ANXA3: variants seen among roughly 807,000 people sequenced by gnomAD.
ANXA3 encodes 35-alpha calcimedin.
A neutral mutation model predicts 48.8 loss-of-function variants in ANXA3; 46 were observed. That is an observed-to-expected ratio of 0.94 (90% CI 0.74 to 1.21). The LOEUF is 1.21. Ranked by LOEUF, ANXA3 falls within the 50% of genes most tolerant of loss-of-function variation. ANXA3 has a pLI of 0.00. For synonymous variants in ANXA3, 128 were observed against 134.7 expected (o/e 0.95, Z 0.35); for missense variants, 383 against 378.6 (o/e 1.01, Z -0.10).
intron 12 of ANXA3, among the ~76,000 whole-genome samples, chr4:78,608,033 A>G (rs1400341371): frequency 1.3e-5 from 2 of 152,226 alleles, no homozygotes; most frequent in Non-Finnish European, 2.9e-5. Context: ...TTCAGTTGAA[A>G]GAGAGCTTTG....
In ANXA3 at chr4:78,554,431, A is replaced by C. The variant is rs774003645; in HGVS notation, c.-38-5A>C. 7 of 1,587,918 alleles carry C rather than the reference A, an allele frequency of 4.4e-6. No individual in the cohort carries two copies. The African/African-American group carries it at 9.4e-5, about 21-fold the overall frequency. On this transcript the variant is annotated splice_region_variant and splice_polypyrimidine_tract_variant and intron_variant, in intron 1 of 12. Coordinates refer to ENST00000264908, the MANE Select transcript of ANXA3 (RefSeq NM_005139.3). ...TACCATTTACTAATTGTTTTCTTTT[A>C]ATAGATTAGTGTGATCTCAGCTCAA... is the stretch of plus-strand genomic sequence containing the variant.
intron 12 of ANXA3, among the ~76,000 whole-genome samples, 200 bp downstream of exon 12, chr4:78,604,599 C>T (rs995539868): frequency 2.6e-5 from 4 of 152,122 alleles, no homozygotes; most frequent in African/African-American, 9.7e-5. Flanking sequence ...ATATAATAGA[C>T]ACTCAATATT....
At chr4:78,595,598 C>G (rs1305882080) in intron 8 of ANXA3, among the ~76,000 whole-genome samples, 161 bp downstream of exon 8, 2 of 151,092 alleles carry the variant, frequency 1.3e-5, no homozygotes, top group African/African-American at 2.4e-5. Flanking sequence ...GGAACCCTAA[C>G]TTTTTGCCTG....
intron 11 of ANXA3, chr4:78,602,239 C>CAAAAAAA (rs60958659): frequency 4.6e-5 from 3 of 64,718 alleles, no homozygotes; most frequent in Admixed American, 1.7e-4. Context: ...GACTCTGTCT[C>CAAAAAAA]AAAAAAAAAA....
chr4:78,604,187 A>G (rs1043889003), intron 11 of ANXA3, 90 bp from the exon 12 acceptor site: 6 of 1,189,310 alleles, frequency 5.0e-6, no homozygotes, highest in Non-Finnish European at 3.4e-6. Context: ...AATATTTTGC[A>G]CACCATTATC....
rs547486327 is a variant in ANXA3 at position 78,586,263 on chromosome 4, G to A, written c.316G>A (p.Ala106Thr). The change falls in exon 6 of 13, where the codon GCG becomes ACG. Residue 106 changes from alanine to threonine, a missense_variant. Coordinates refer to ENST00000264908, the MANE Select transcript of ANXA3 (RefSeq NM_005139.3). ...AKQLKKSMKG[A>T]GTNEDALIEI... ...TAGATTTTCTTTTCCTTTTTAGGGC[G>A]CGGGAACAAACGAAGATGCCTTGAT... is the stretch of plus-strand genomic sequence containing the variant. 6.7e-5 allele frequency: 108 copies of A among 1,612,712 alleles called. No individual in the cohort carries two copies. The highest frequency in any genetic ancestry group is 6.5e-4 in the East Asian group (29 of 44,802).
chr4:78,588,247 G>A (rs550075627), intron 6 of ANXA3, among the ~76,000 whole-genome samples: 23 of 152,102 alleles, frequency 1.5e-4, no homozygotes, highest in South Asian at 1.2e-3. Context: ...CCAAAAATTG[G>A]CCAGGTGTGG....
intron 2 of ANXA3, among the ~76,000 whole-genome samples, chr4:78,565,683 G>C (rs1473179756): frequency 6.6e-6 from 1 of 152,202 alleles, no homozygotes; most frequent in Non-Finnish European, 1.5e-5. Context: ...ACCTTGGCGA[G>C]TGTCTTAACC....
At chr4:78,571,657 ATAT>A (rs1217431504) in intron 2 of ANXA3, among the ~76,000 whole-genome samples, 3 of 152,246 alleles carry the variant, frequency 2.0e-5, no homozygotes, top group Non-Finnish European at 4.4e-5. Flanking sequence ...TTAAAAGGAA[ATAT>A]TATTACTGTA....
At chr4:78,600,576 G>T (rs967224179) in intron 10 of ANXA3, among the ~76,000 whole-genome samples, 3 of 152,186 alleles carry the variant, frequency 2.0e-5, no homozygotes, top group Admixed American at 6.5e-5. Flanking sequence ...TAAATGCTGT[G>T]TTTGGGTTTC....
intron 2 of ANXA3, among the ~76,000 whole-genome samples, chr4:78,557,689 CT>C (rs71216222): frequency 0.72 from 104,401 of 144,282 alleles, 38,060 homozygotes; most frequent in East Asian, 0.88. Flanking sequence ...CTGGGTTTTT[CT>C]TTTTTTTTTT....
rs533263557 is a variant in ANXA3 at position 78,551,780 on chromosome 4, A to C, written c.-118A>C. 1 of 152,460 alleles carries C rather than the reference A, an allele frequency of 6.6e-6. No individual in the cohort carries two copies. The highest frequency in any genetic ancestry group is 2.1e-4 in the South Asian group (1 of 4,832). 9.4% of individuals were successfully genotyped at this position (152,460 alleles called of 1,614,324 possible). On this transcript the variant is annotated 5_prime_UTR_variant, in exon 1 of 13. Coordinates refer to ENST00000264908, the MANE Select transcript of ANXA3 (RefSeq NM_005139.3). Reference sequence around the variant, plus strand: ...TCCGGACCCGGAGCCAGCGCGGAGCACCTGCGCCCGCGGCTGACACCTTCG... The same window carrying C: ...TCCGGACCCGGAGCCAGCGCGGAGCCCCTGCGCCCGCGGCTGACACCTTCG...
chr4:78,601,784 T>C, intron 11 of ANXA3: 1 of 415,684 alleles, frequency 2.4e-6, no homozygotes, highest in South Asian at 6.8e-5. Context: ...GTTTATGAAA[T>C]AATTTTTTTC....
At chr4:78,575,275 A>G (rs1722924254) in intron 3 of ANXA3, among the ~76,000 whole-genome samples, 1 of 152,086 alleles carries the variant, frequency 6.6e-6, no homozygotes, top group African/African-American at 2.4e-5. Context: ...AAAAAATATT[A>G]CAAGCCATGA....
chr4:78,592,625 G>A (rs1723323335), intron 7 of ANXA3, among the ~76,000 whole-genome samples: 1 of 152,066 alleles, frequency 6.6e-6, no homozygotes, highest in Non-Finnish European at 1.5e-5. Context: ...AATCAAACAG[G>A]GCTGGAATCT....
chr4:78,554,533 CA>C, intron 2 of ANXA3, 45 bp downstream of exon 2: 1 of 1,575,018 alleles, frequency 6.3e-7, no homozygotes. Flanking sequence ...ATATATGAGT[CA>C]AACCAAAACA....
In ANXA3 at chr4:78,554,438, T is replaced by C. The variant is rs373517285; in HGVS notation, c.-36T>C. ...TACTAATTGTTTTCTTTTAATAGATTAGTGTGATCTCAGCTCAAGGCAAAG... is the reference window on the plus strand; with the variant it reads ...TACTAATTGTTTTCTTTTAATAGATCAGTGTGATCTCAGCTCAAGGCAAAG... On this transcript the variant is annotated splice_region_variant and 5_prime_UTR_variant, in exon 2 of 13. Coordinates refer to ENST00000264908, the MANE Select transcript of ANXA3 (RefSeq NM_005139.3). 1.6e-5 allele frequency: 25 copies of C among 1,599,196 alleles called. No individual in the cohort carries two copies. The highest frequency in any genetic ancestry group is 2.1e-5 in the Non-Finnish European group (25 of 1,167,448).
At position 78,591,712 on chromosome 4, in the gene ANXA3, A is replaced by G. The variant is rs1723299627; in HGVS notation, c.483+89A>G. 4.4e-6 allele frequency: 4 copies of G among 899,970 alleles called. No individual in the cohort carries two copies. In the South Asian group the frequency reaches 5.9e-5, roughly 13 times the overall value. The allele number at this position is 899,970 out of a possible 1,614,324, so 55.7% of individuals were successfully genotyped here. On this transcript the variant is annotated intron_variant, in intron 7 of 12. Transcript: ENST00000264908. ...GGAGTTTAAAAATAACCAAACTGAG[A>G]CAATGAGTTCACAATTTTCCTTATG... is the stretch of plus-strand genomic sequence containing the variant.
At chr4:78,593,499 G>A (rs961569313) in intron 7 of ANXA3, among the ~76,000 whole-genome samples, 13 of 150,672 alleles carry the variant, frequency 8.6e-5, no homozygotes, top group Admixed American at 5.3e-4. Context: ...ACTGCGCCCC[G>A]CCTTTGAGTT....
Sources: allele counts gnomAD v4.1 joint callset (sites outside exome capture counted in the v4.1 genomes callset), GRCh38; gene constraint gnomAD v4.1.1; transcripts MANE v1.5; gene names NCBI Gene and HGNC (gene_info 2026-07-23, HGNC 2026-07-21).